The following LPP variants were observed in gnomAD, a reference collection of about 807,000 sequenced individuals.
LPP encodes the protein LIM domain containing preferred translocation partner in lipoma.
A neutral mutation model predicts 60.4 loss-of-function variants in LPP; 38 were observed. That is an observed-to-expected ratio of 0.63 (90% confidence interval 0.49 to 0.83). LPP has a LOEUF of 0.83. Ranked by LOEUF, LPP falls within the 40% of genes least tolerant of loss-of-function variation. The pLI, the probability that LPP is intolerant of heterozygous loss-of-function variation, is 0.00. For missense variants in LPP, 902 were observed against 783.6 expected (o/e 1.15, Z -1.80); for synonymous variants, 328 against 290.8 (o/e 1.13, Z -1.30).
At chr3:188,313,039 C>T (rs531132953) in intron 2 of LPP, 48 of 151,728 alleles carry the variant, frequency 3.2e-4, no homozygotes, top group African/African-American at 9.9e-4. Context: ...ATGTAAATGA[C>T]GAGTTAATGG....
At chr3:188,577,280 C>T (rs1834837858) in intron 6 of LPP, among the ~76,000 whole-genome samples, 1 of 152,270 alleles carries the variant, frequency 6.6e-6, no homozygotes, top group East Asian at 1.9e-4. Flanking sequence ...TTATTCTCAT[C>T]TAATTTTCTC....
intron 3 of LPP, among the ~76,000 whole-genome samples, chr3:188,351,252 A>T (rs16863202): frequency 0.088 from 13,442 of 152,220 alleles, 646 homozygotes; most frequent in Non-Finnish European, 0.098. Context: ...TCTGAGATGG[A>T]TATGAGACTT....
At chr3:188,342,662 T>A (rs1472529026) in intron 3 of LPP, among the ~76,000 whole-genome samples, 1 of 152,232 alleles carries the variant, frequency 6.6e-6, no homozygotes, top group Non-Finnish European at 1.5e-5. Flanking sequence ...GACCTCGAAC[T>A]GCAACCATGA....
intron 7 of LPP, among the ~76,000 whole-genome samples, chr3:188,687,262 A>G (rs1366166453): frequency 2.0e-5 from 3 of 152,124 alleles, no homozygotes; most frequent in Non-Finnish European, 1.5e-5. Context: ...CCACCCTGGT[A>G]TACCATAGTC....
chr3:188,391,026 T>C (rs1301080648), intron 3 of LPP, among the ~76,000 whole-genome samples: 1 of 152,228 alleles, frequency 6.6e-6, no homozygotes, highest in Non-Finnish European at 1.5e-5. Context: ...GACCTTTGTG[T>C]TCTGACCTTC....
intron 4 of LPP, among the ~76,000 whole-genome samples, chr3:188,463,057 A>C (rs549336680): frequency 6.6e-6 from 1 of 152,266 alleles, no homozygotes; most frequent in South Asian, 2.1e-4. Flanking sequence ...ATGAGCTGAG[A>C]TTGTGCCATT....
chr3:188,262,104 TG>T (rs1421985061), intron 2 of LPP, among the ~76,000 whole-genome samples: 1 of 152,156 alleles, frequency 6.6e-6, no homozygotes, highest in Non-Finnish European at 1.5e-5. Context: ...TCTCCCAGGC[TG>T]GTGGGAAGAG....
intron 4 of LPP, among the ~76,000 whole-genome samples, chr3:188,410,216 A>T (rs1310695718): frequency 6.6e-6 from 1 of 152,086 alleles, no homozygotes; most frequent in African/African-American, 2.4e-5. Context: ...AGTAATATAA[A>T]CCTACTTCTC....
intron 4 of LPP, among the ~76,000 whole-genome samples, chr3:188,452,243 C>A (rs533052185): frequency 6.6e-6 from 1 of 152,138 alleles, no homozygotes; most frequent in Admixed American, 6.6e-5. Context: ...AATATCCCTC[C>A]GTATCCTTCT....
intron 5 of LPP, among the ~76,000 whole-genome samples, chr3:188,504,960 T>C (rs1813023462): frequency 6.6e-6 from 1 of 152,142 alleles, no homozygotes; most frequent in Admixed American, 6.5e-5. Flanking sequence ...ACAGGTCCTT[T>C]TTGCCCAGCT....
intron 2 of LPP, among the ~76,000 whole-genome samples, chr3:188,259,566 G>A (rs1732853084): frequency 6.6e-6 from 1 of 152,172 alleles, no homozygotes; most frequent in African/African-American, 2.4e-5. Context: ...TCTTATTTAT[G>A]CATGTATATA....
chr3:188,208,615 C>T (rs530684584), intron 1 of LPP, among the ~76,000 whole-genome samples: 4 of 152,358 alleles, frequency 2.6e-5, no homozygotes, highest in Non-Finnish European at 4.4e-5. Context: ...TCGCAGGCCA[C>T]GTTTCCGGAA....
chr3:188,622,660 G>T (rs559802584), intron 7 of LPP, among the ~76,000 whole-genome samples: 2 of 151,974 alleles, frequency 1.3e-5, no homozygotes, highest in African/African-American at 4.8e-5. Context: ...CCTCAAAATC[G>T]ATATGTATTA....
intron 7 of LPP, among the ~76,000 whole-genome samples, chr3:188,636,338 G>A (rs1036001989): frequency 1.3e-4 from 20 of 152,268 alleles, no homozygotes; most frequent in African/African-American, 3.6e-4. Flanking sequence ...CGAATACTGC[G>A]CTTTTCCGAC....
At chr3:188,795,237 A>G (rs1744984920) in intron 9 of LPP, among the ~76,000 whole-genome samples, 1 of 152,252 alleles carries the variant, frequency 6.6e-6, no homozygotes, top group Non-Finnish European at 1.5e-5. Flanking sequence ...GTTAAAAAAT[A>G]CACGTGATTT....
intron 4 of LPP, among the ~76,000 whole-genome samples, chr3:188,441,246 A>T (rs774802478): frequency 6.6e-6 from 1 of 152,104 alleles, no homozygotes; most frequent in African/African-American, 2.4e-5. Context: ...TAGATCAAGG[A>T]CTGATTCCAG....
chr3:188,485,814 A>AAAAAAAAAAAAAAAAAAAAAAAAAAC (rs59334681), intron 5 of LPP, among the ~76,000 whole-genome samples: 1 of 145,670 alleles, frequency 6.9e-6, no homozygotes, highest in South Asian at 2.2e-4. Context: ...AAAAAAAAAA[A>AAAAAAAAAAAAAAAAAAAAAAAAAAC]TGGAATGGTG....
At chr3:188,867,280 A>G (rs1041123436) in intron 10 of LPP, among the ~76,000 whole-genome samples, 1 of 144,952 alleles carries the variant, frequency 6.9e-6, no homozygotes, top group African/African-American at 2.6e-5. Flanking sequence ...TATATACATA[A>G]TAATATGTAA....
At chr3:188,824,826 A>G (rs978853348) in intron 9 of LPP, among the ~76,000 whole-genome samples, 3 of 152,170 alleles carry the variant, frequency 2.0e-5, no homozygotes, top group Non-Finnish European at 2.9e-5. Flanking sequence ...TTCCGAAGTG[A>G]AATCTCACAG....
Sources: gnomAD v4.1 joint callset for allele counts (sites outside exome capture counted in the v4.1 genomes callset) on GRCh38, gnomAD v4.1.1 for gene constraint, MANE v1.5 for transcripts, NCBI Gene and HGNC (gene_info 2026-07-23, HGNC 2026-07-21) for gene names.